CTNNA2: variants seen among roughly 807,000 people sequenced by gnomAD.
CTNNA2 encodes catenin alpha-2.
CTNNA2 carries 42 observed loss-of-function variants against 101.0 expected under a neutral mutation model. The observed-to-expected ratio is 0.42, with a 90% CI of 0.32 to 0.54. CTNNA2 has a LOEUF of 0.54. CTNNA2 is among the 20% of genes least tolerant of loss of function. The pLI is 0.14. For synonymous variants in CTNNA2, 450 were observed against 456.4 expected, an observed-to-expected ratio of 0.99 and a Z score of 0.18; for missense variants, 871 against 1,223.1, an observed-to-expected ratio of 0.71 and a Z score of 4.29.
At chr2:79,185,765 A>G (rs1572968741) in intron 1 of CTNNA2, among the ~76,000 whole-genome samples, 1 of 152,170 alleles carries the variant, frequency 6.6e-6, no homozygotes, top group East Asian at 1.9e-4. Flanking sequence ...CCCACCAAGA[A>G]AACTGGTCAT....
intron 2 of CTNNA2, among the ~76,000 whole-genome samples, chr2:79,258,974 A>G (rs761797117): frequency 6.6e-6 from 1 of 151,898 alleles, no homozygotes; most frequent in African/African-American, 2.4e-5. Flanking sequence ...TGTTGTCTCA[A>G]TTTTGCCAGT....
chr2:80,487,280 CAAA>C (rs57561004), intron 9 of CTNNA2, among the ~76,000 whole-genome samples: 9 of 68,504 alleles, frequency 1.3e-4, no homozygotes, highest in African/African-American at 1.9e-4. Flanking sequence ...TACTCTGTCT[CAAA>C]AAAAAAAAAA....
At chr2:79,692,073 A>G (rs868610363) in intron 2 of CTNNA2, among the ~76,000 whole-genome samples, 10 of 152,202 alleles carry the variant, frequency 6.6e-5, no homozygotes, top group South Asian at 2.1e-4. Flanking sequence ...AACTATCACC[A>G]GAGTGAACAG....
intron 7 of CTNNA2, among the ~76,000 whole-genome samples, chr2:80,237,553 TTTG>T (rs1233750139): frequency 6.6e-6 from 1 of 152,164 alleles, no homozygotes; most frequent in Non-Finnish European, 1.5e-5. Flanking sequence ...TTGTTCCTTT[TTTG>T]TTACCATTGT....
chr2:79,817,379 C>T (rs573715797), intron 3 of CTNNA2, among the ~76,000 whole-genome samples: 5 of 118,640 alleles, frequency 4.2e-5, no homozygotes, highest in African/African-American at 1.6e-4. Context: ...TAAATGTGGT[C>T]AGTCTCTTGC....
At chr2:79,736,188 G>A (rs7565439) in intron 2 of CTNNA2, among the ~76,000 whole-genome samples, 42,097 of 152,000 alleles carry the variant, frequency 0.28, 5,932 homozygotes, top group African/African-American at 0.33. Flanking sequence ...TCTCTCTGAT[G>A]TGTACAACAT....
At chr2:79,881,625 G>A (rs1293319724) in intron 6 of CTNNA2, among the ~76,000 whole-genome samples, 1 of 151,788 alleles carries the variant, frequency 6.6e-6, no homozygotes, top group South Asian at 2.1e-4. Flanking sequence ...GACTAGGTTT[G>A]CAACCCCTGC....
intron 1 of CTNNA2, among the ~76,000 whole-genome samples, chr2:79,541,587 G>A (rs1456129953): frequency 1.3e-5 from 2 of 151,198 alleles, no homozygotes; most frequent in Non-Finnish European, 2.9e-5. Context: ...TGGTGTCTCA[G>A]CTTATTAGAA....
intron 17 of CTNNA2, among the ~76,000 whole-genome samples, chr2:80,612,551 G>A (rs1698549358): frequency 6.6e-6 from 1 of 151,280 alleles, no homozygotes; most frequent in Admixed American, 6.6e-5. Context: ...TACAAATTAG[G>A]GAAAAGAAAA....
chr2:79,603,705 G>T (rs1383641638), intron 1 of CTNNA2, among the ~76,000 whole-genome samples: 2 of 152,152 alleles, frequency 1.3e-5, no homozygotes. Context: ...CATTTTAAGA[G>T]CAACTGCCTG....
intron 4 of CTNNA2, among the ~76,000 whole-genome samples, chr2:79,487,651 C>T (rs1456363623): frequency 6.6e-6 from 1 of 152,162 alleles, no homozygotes; most frequent in Non-Finnish European, 1.5e-5. Flanking sequence ...CAGCCACCAT[C>T]ATGTGAGTCA....
chr2:80,204,027 A>G (rs1258735878), intron 7 of CTNNA2, among the ~76,000 whole-genome samples: 1 of 152,084 alleles, frequency 6.6e-6, no homozygotes, highest in Non-Finnish European at 1.5e-5. Context: ...GGCCCCTTTT[A>G]GTTATGGCTG....
chr2:79,199,615 A>G (rs1161006537), intron 2 of CTNNA2, among the ~76,000 whole-genome samples: 2 of 152,174 alleles, frequency 1.3e-5, no homozygotes, highest in Non-Finnish European at 2.9e-5. Context: ...CAAAAACTAT[A>G]TGAATAATAG....
intron 9 of CTNNA2, among the ~76,000 whole-genome samples, chr2:80,421,802 C>CAAA (rs754594979): frequency 4.5e-5 from 3 of 67,018 alleles, no homozygotes; most frequent in African/African-American, 9.6e-5. Flanking sequence ...TGCATATATA[C>CAAA]AAAAAAAAAA....
rs370913175 is a variant in CTNNA2, at chr2:80,105,227, C to T, written c.1056+195430C>T. ...AACACATGTGTAGAGAGTGAGTCAT[C>T]GGCTCTCCAGGCCTACACGTGACAG... On this transcript the variant is annotated intron_variant, in intron 7 of 18. Coordinates refer to ENST00000402739, the MANE Select transcript of CTNNA2 (RefSeq NM_001282597.3). Among the ~76,000 whole-genome samples, 116 of 152,234 alleles carry T rather than the reference C, an allele frequency of 7.6e-4. 1 individual carries two copies. In the South Asian group the frequency reaches 0.024, roughly 31 times the overall value.
At chr2:80,427,937 G>T (rs1427055560) in intron 9 of CTNNA2, among the ~76,000 whole-genome samples, 2 of 152,234 alleles carry the variant, frequency 1.3e-5, no homozygotes, top group Non-Finnish European at 2.9e-5. Context: ...AAAGGGAGAG[G>T]TAAGTGTATA....
At chr2:79,870,981 A>C (rs1682543072) in intron 5 of CTNNA2, among the ~76,000 whole-genome samples, 1 of 152,182 alleles carries the variant, frequency 6.6e-6, no homozygotes, top group African/African-American at 2.4e-5. Flanking sequence ...TCTCAGTTTC[A>C]GCTAACTCTG....
intron 8 of CTNNA2, among the ~76,000 whole-genome samples, chr2:80,413,977 T>A (rs570680904): frequency 2.3e-3 from 351 of 152,332 alleles, no homozygotes; most frequent in South Asian, 5.6e-3. Context: ...TGTTAAATGG[T>A]CAGGCATTTA....
At chr2:79,815,731 T>C (rs529247316) in intron 3 of CTNNA2, among the ~76,000 whole-genome samples, 1 of 152,270 alleles carries the variant, frequency 6.6e-6, no homozygotes, top group South Asian at 2.1e-4. Context: ...TAGTCTTGCT[T>C]TGGCTATGCA....
Sources: gnomAD v4.1 joint callset for allele counts (sites outside exome capture counted in the v4.1 genomes callset) on GRCh38, gnomAD v4.1.1 for gene constraint, MANE v1.5 for transcripts, NCBI Gene and HGNC (gene_info 2026-07-23, HGNC 2026-07-21) for gene names.